The following EVL variants were observed in gnomAD, a reference collection of about 807,000 sequenced individuals.
EVL encodes the protein ena/VASP-like protein.
A neutral mutation model predicts 59.6 loss-of-function variants in EVL; 21 were observed. The ratio of observed to expected loss-of-function variants is 0.35; its 90% confidence interval spans 0.25 to 0.51. EVL has a LOEUF of 0.51. Among genes scored for constraint, EVL ranks in the 20% least tolerant of loss-of-function variants. The pLI is 0.97. For synonymous variants in EVL, 198 were observed against 203.5 expected, an observed-to-expected ratio of 0.97 and a Z score of 0.23; for missense variants, 462 against 546.6, an observed-to-expected ratio of 0.85 and a Z score of 1.54.
At chr14:100,093,005 G>A (rs1291150040) in intron 2 of EVL, among the ~76,000 whole-genome samples, 2 of 152,316 alleles carry the variant, frequency 1.3e-5, no homozygotes, top group East Asian at 3.9e-4. Context: ...AAAAATGCAC[G>A]TGTTCAGGTG....
chr14:100,036,106 T>A (rs1367590053), intron 1 of EVL, among the ~76,000 whole-genome samples: 1 of 152,186 alleles, frequency 6.6e-6, no homozygotes, highest in African/African-American at 2.4e-5. Context: ...AGATCGGCAG[T>A]GGCATTAGAT....
intron 4 of EVL, among the ~76,000 whole-genome samples, chr14:100,124,470 C>T (rs755076382): frequency 3.3e-5 from 5 of 152,230 alleles, no homozygotes; most frequent in African/African-American, 1.2e-4. Flanking sequence ...CTCCGTTTCC[C>T]GGTTTGAAGA....
intron 2 of EVL, among the ~76,000 whole-genome samples, chr14:100,090,928 A>G (rs6575762): frequency 0.061 from 9,347 of 152,264 alleles, 441 homozygotes; most frequent in East Asian, 0.18. Context: ...ACCATCTCGC[A>G]TTGCAGATGA....
At chr14:100,071,092 A>C (rs912682648) in intron 1 of EVL, among the ~76,000 whole-genome samples, 16 of 152,142 alleles carry the variant, frequency 1.1e-4, no homozygotes, top group African/African-American at 3.9e-4. Flanking sequence ...CCAGCTGTCC[A>C]GGCATCTGAG....
At chr14:100,060,468 A>G (rs1764051514), upstream of EVL, among the ~76,000 whole-genome samples, 1 of 151,898 alleles carries the variant, frequency 6.6e-6, no homozygotes, top group South Asian at 2.1e-4. Flanking sequence ...TGAAAATTCT[A>G]CTACTGGAAA....
At chr14:100,037,241 G>C (rs996416827) in intron 1 of EVL, among the ~76,000 whole-genome samples, 4 of 152,218 alleles carry the variant, frequency 2.6e-5, no homozygotes, top group Non-Finnish European at 5.9e-5. Flanking sequence ...GAAGAGCCTG[G>C]AATAAAAGGC....
chr14:99,985,007 A>G (rs2060831158), intron 1 of EVL, among the ~76,000 whole-genome samples: 1 of 152,098 alleles, frequency 6.6e-6, no homozygotes, highest in Non-Finnish European at 1.5e-5. Flanking sequence ...CATTCAGGAC[A>G]TTTAGTTTAG....
In EVL at chr14:100,030,963, G is replaced by A. The variant is rs150490675; in HGVS notation, c.6-53724G>A. On this transcript the variant is annotated intron_variant, in intron 1 of 13. Coordinates refer to the EVL transcript ENST00000402714. ...TCTGTTGAACTAACTAGGACTACAC[G>A]GGACAACTATGACGTATGAGGTCTC... Among the ~76,000 whole-genome samples the A allele has an allele frequency of 4.1e-3, 626 of 152,248 alleles. 5 individuals carry two copies. Among genetic ancestry groups the A allele is most frequent in the African/African-American group, 0.014 (573 of 41,538 alleles).
rs564755453 is a variant in EVL, at chr14:100,108,826, T to C, written c.358+11168T>C. Among the ~76,000 whole-genome samples, 1 of 152,322 alleles carries C rather than the reference T, an allele frequency of 6.6e-6. No individual in the cohort carries two copies. The highest frequency in any genetic ancestry group is 2.1e-4 in the South Asian group (1 of 4,826). On this transcript the variant is annotated intron_variant, in intron 3 of 13. Coordinates refer to ENST00000392920, the MANE Select transcript of EVL (RefSeq NM_016337.3). This position sits in a 1 kb window ranked among gnomAD's most constrained non-coding sequence, Gnocchi z 4.1. ...TTTATTTTTGCCTCTGTCCTAACAG[T>C]CAGCTGCCACTTGGCCTGTCCTGCT...
chr14:99,990,267 G>A (rs1012143102), intron 1 of EVL, among the ~76,000 whole-genome samples: 1 of 152,094 alleles, frequency 6.6e-6, no homozygotes, highest in Non-Finnish European at 1.5e-5. Flanking sequence ...GCATATACTA[G>A]GGTATCAGCG....
intron 3 of EVL, among the ~76,000 whole-genome samples, chr14:100,117,793 A>C (rs1887444791): frequency 6.6e-6 from 1 of 152,132 alleles, no homozygotes; most frequent in African/African-American, 2.4e-5. Context: ...TGTGTCACTC[A>C]CTGATAGCTC....
chr14:99,974,749 G>A (rs1362366971), intron 1 of EVL: 1 of 152,334 alleles, frequency 6.6e-6, no homozygotes, highest in East Asian at 1.9e-4. Flanking sequence ...TCCTTGGATG[G>A]TAGTAGGTAC....
intron 1 of EVL, among the ~76,000 whole-genome samples, chr14:100,074,213 C>T (rs370301517): frequency 5.9e-5 from 9 of 152,256 alleles, no homozygotes; most frequent in East Asian, 5.8e-4. Flanking sequence ...CTCCAGGCCA[C>T]AGTGAGGAAC....
chr14:99,973,566 G>C (rs1566959578), intron 1 of EVL, among the ~76,000 whole-genome samples: 1 of 152,154 alleles, frequency 6.6e-6, no homozygotes, highest in Non-Finnish European at 1.5e-5. Flanking sequence ...GGGTTCAAGC[G>C]ATTCTGCTGT....
At chr14:100,082,913 G>A (rs762582513) in intron 1 of EVL, among the ~76,000 whole-genome samples, 8 of 152,184 alleles carry the variant, frequency 5.3e-5, no homozygotes, top group Non-Finnish European at 7.4e-5. Context: ...TTCAGTCAGC[G>A]GCTGGGAGCA....
chr14:100,025,640 A>G (rs888354817), intron 1 of EVL, among the ~76,000 whole-genome samples: 4 of 152,242 alleles, frequency 2.6e-5, no homozygotes, highest in African/African-American at 9.6e-5. Context: ...TTAAAAATAC[A>G]CAGTTGGCGG....
intron 1 of EVL, chr14:100,074,637 C>G (rs2062122325): frequency 6.5e-6 from 1 of 152,946 alleles, no homozygotes; most frequent in East Asian, 1.9e-4. Context: ...CCTTAACTCT[C>G]TGTACCCAGC....
chr14:100,021,988 G>A (rs145234183), intron 1 of EVL, among the ~76,000 whole-genome samples: 55 of 152,102 alleles, frequency 3.6e-4, no homozygotes, highest in Non-Finnish European at 7.1e-4. Context: ...TCTCGGTGCC[G>A]CTATGAACTA....
intron 12 of EVL, 61 bp from the exon 13 acceptor site, chr14:100,141,675 C>T: frequency 6.4e-7 from 1 of 1,567,926 alleles, no homozygotes; most frequent in Non-Finnish European, 8.7e-7. Flanking sequence ...ATGGCCCAGC[C>T]CAGGCCGGCT....
Sources: gnomAD v4.1 joint callset for allele counts (sites outside exome capture counted in the v4.1 genomes callset) on GRCh38, gnomAD v4.1.1 for gene constraint, Gnocchi (gnomAD v3.1) non-coding constraint, MANE v1.5 for transcripts, NCBI Gene and HGNC (gene_info 2026-07-23, HGNC 2026-07-21) for gene names.